The following TMEM68 variants were observed in gnomAD, a reference collection of about 807,000 sequenced individuals.
The protein encoded by TMEM68 is transmembrane protein 68.
TMEM68 carries 25 observed loss-of-function variants against 36.9 expected under a neutral mutation model. The ratio of observed to expected loss-of-function variants is 0.68; its 90% CI spans 0.49 to 0.95. TMEM68 has a LOEUF of 0.95. Ranked by LOEUF, TMEM68 falls within the 40% of genes least tolerant of loss-of-function variation. The pLI is 0.00. For synonymous variants in TMEM68, 131 were observed against 124.4 expected (o/e 1.05, Z -0.35); for missense variants, 333 against 392.0 (o/e 0.85, Z 1.27).
intron 5 of TMEM68, among the ~76,000 whole-genome samples, chr8:55,749,501 T>G (rs749106469): frequency 2.6e-5 from 4 of 152,188 alleles, no homozygotes; most frequent in Non-Finnish European, 5.9e-5. Context: ...AAGACTTCCC[T>G]CACGTATCTG....
intron 4 of TMEM68, among the ~76,000 whole-genome samples, chr8:55,754,705 CTT>C (rs1491265885): frequency 8.7e-6 from 1 of 114,922 alleles, no homozygotes; most frequent in Non-Finnish European, 1.7e-5. Context: ...GAAATACATA[CTT>C]ATATATATAT....
In TMEM68 at chr8:55,743,500, G is replaced by A. The variant is rs543241659; in HGVS notation, c.869C>T (p.Ala290Val). Residue 290 changes from alanine (A) to valine (V), a missense_variant, in exon 7 of 8, where the codon GCG becomes GTG. Ala to Val is a moderately conservative substitution (Grantham distance 64). Coordinates refer to ENST00000434581, the MANE Select transcript of TMEM68 (RefSeq NM_001286657.2). ...ATTTACCTTTTCAGCTAATTCTTCC[G>A]CTGTTATCTGTGGGTCATACGGAAT... The part of the protein sequence containing the change: ...DPIPYDPQIT[A>V]EELAEKTKNA... 4.0e-5 allele frequency: 61 copies of A among 1,532,194 alleles called. No homozygotes were observed. The African/African-American group carries it at 5.5e-4, about 14-fold the overall frequency. The allele number at this position is 1,532,194 out of a possible 1,614,324, so 94.9% of individuals were successfully genotyped here. A position where few individuals can be genotyped will look rare whatever the true frequency, so the allele number is the denominator to read the frequency against.
intron 4 of TMEM68, among the ~76,000 whole-genome samples, chr8:55,755,868 T>G (rs962008192): frequency 1.3e-5 from 2 of 151,904 alleles, no homozygotes; most frequent in African/African-American, 4.8e-5. Flanking sequence ...ACACAATATA[T>G]GCATATAAGA....
chr8:55,754,798 T>TATTAC (rs1186908090), intron 4 of TMEM68, among the ~76,000 whole-genome samples: 11 of 89,094 alleles, frequency 1.2e-4, no homozygotes, highest in Admixed American at 3.1e-4. Context: ...AAAATACATA[T>TATTAC]ATAATATATA....
intron 3 of TMEM68, among the ~76,000 whole-genome samples, chr8:55,759,742 T>G (rs1810725680): frequency 6.6e-6 from 1 of 152,196 alleles, no homozygotes; most frequent in African/African-American, 2.4e-5. Flanking sequence ...TTCATTTTTA[T>G]GTATTTAAAC....
intron 3 of TMEM68, chr8:55,762,234 ATTAT>A (rs1810816846): frequency 5.7e-6 from 1 of 176,468 alleles, no homozygotes; most frequent in African/African-American, 2.4e-5. Flanking sequence ...TTAATGTAAT[ATTAT>A]TTAATATTTC....
At chr8:55,769,582 T>C (rs930647166) in intron 1 of TMEM68, among the ~76,000 whole-genome samples, 5 of 152,122 alleles carry the variant, frequency 3.3e-5, no homozygotes, top group African/African-American at 9.7e-5. Context: ...TTCTGGCACA[T>C]AGTAGGCACC....
At chr8:55,745,200 C>T in intron 5 of TMEM68, 79 bp from the exon 6 acceptor site, 1 of 784,822 alleles carries the variant, frequency 1.3e-6, no homozygotes, top group Non-Finnish European at 1.8e-6. Flanking sequence ...CTAATGCAAA[C>T]TTTTTTTTTT....
chr8:55,764,416 A>G (rs1176432223), intron 1 of TMEM68, among the ~76,000 whole-genome samples: 2 of 152,202 alleles, frequency 1.3e-5, no homozygotes, highest in Admixed American at 6.5e-5. Context: ...CTTTGATTGT[A>G]TTCTTAGAAC....
chr8:55,755,270 C>CT lies in TMEM68; in HGVS notation c.493+973dup, dbSNP rs967473921. ...AATATTACATGAAGACAAAATATAT[C>CT]TTTTTTTTTTTTTTGAGACGGAGTC... On this transcript the variant is annotated intron_variant, in intron 4 of 7. Transcript: ENST00000434581. 3.6e-3 allele frequency among the ~76,000 whole-genome samples: 523 copies of CT among 143,586 alleles called. 2 individuals are homozygous for CT. Among genetic ancestry groups the CT allele is most frequent in the African/African-American group, 9.0e-3 (355 of 39,518 alleles). 94.2% of individuals were successfully genotyped at this position (143,586 alleles called of 152,430 possible).
rs780923330 is a variant in TMEM68, at chr8:55,762,803, G to C, written c.157C>G (p.Leu53Val). 6 of 1,613,990 alleles carry C rather than the reference G, an allele frequency of 3.7e-6. 1 individual carries two copies. In the South Asian group the frequency reaches 5.5e-5, roughly 15 times the overall value. Residue 53 changes from leucine (L) to valine (V), a missense_variant, in exon 3 of 8, where the codon CTT (leucine) becomes GTT (valine). By Grantham distance (32) the Leu-to-Val change is conservative (BLOSUM62 1). Coordinates refer to ENST00000434581, the MANE Select transcript of TMEM68 (RefSeq NM_001286657.2). The part of the protein sequence containing the change: ...YLLWVFTPLI[L>V]LILPYFTIFL... ...ATAGTAAAGTAAGGAAGTATTAAAA[G>C]TATTAGTGGTGTAAAAACCCACAAG...
chr8:55,754,644 ATATT>A (rs1205603511), intron 4 of TMEM68, among the ~76,000 whole-genome samples: 1 of 127,914 alleles, frequency 7.8e-6, no homozygotes, highest in Non-Finnish European at 1.6e-5. Context: ...TATATAATAT[ATATT>A]TATATTATAT....
intron 5 of TMEM68, chr8:55,746,800 A>G (rs773778825): frequency 2.6e-5 from 4 of 152,226 alleles, no homozygotes; most frequent in Non-Finnish European, 4.4e-5. Context: ...ATCATTTGTT[A>G]TATCTCTCCT....
At chr8:55,743,286 G>A (rs567760976) in intron 7 of TMEM68, among the ~76,000 whole-genome samples, 195 bp downstream of exon 7, 14 of 152,060 alleles carry the variant, frequency 9.2e-5, no homozygotes, top group South Asian at 4.2e-4. Context: ...CTCCCCTCAC[G>A]GCCCCAACTC....
rs997523868 is a variant in TMEM68, at chr8:55,739,248, C to T, written c.*884G>A. The stretch of plus-strand genomic sequence containing the variant: ...GCAAAAGTAGAGAACTCTTGCTTTC[C>T]TCAGCCTAGAATCAGCTTCTAACAC... On this transcript the variant is annotated 3_prime_UTR_variant, in exon 8 of 8. Coordinates refer to ENST00000434581, the MANE Select transcript of TMEM68 (RefSeq NM_001286657.2). 5.2e-5 allele frequency: 8 copies of T among 152,620 alleles called. No homozygotes were observed. Among genetic ancestry groups the T allele is most frequent in the Admixed American group, 2.0e-4 (3 of 15,270 alleles). The allele number at this position is 152,620 out of a possible 1,614,324, so 9.5% of individuals were successfully genotyped here.
chr8:55,759,971 T>G (rs1033624208), intron 3 of TMEM68, among the ~76,000 whole-genome samples: 1 of 152,224 alleles, frequency 6.6e-6, no homozygotes, highest in Non-Finnish European at 1.5e-5. Context: ...AGAAAGGGTT[T>G]CAGTAGTGGG....
At position 55,754,944 on chromosome 8, in the gene TMEM68, TACACACACACAC is replaced by T. The variant is rs71256561; in HGVS notation, c.493+1288_493+1299del. On this transcript the variant is annotated intron_variant, in intron 4 of 7. Transcript: ENST00000434581. ...ATTTATATATATTTATATATATTTATACACACACACACACACACACACACACACACACATAGC... is the reference window on the plus strand; with the variant it reads ...ATTTATATATATTTATATATATTTATACACACACACACACACACACATAGC... Among the ~76,000 whole-genome samples the T allele has an allele frequency of 1.0e-3, 140 of 134,846 alleles. 3 individuals are homozygous for T. The highest frequency in any genetic ancestry group is 1.6e-3 in the Non-Finnish European group (105 of 65,134). 88.5% of individuals were successfully genotyped at this position (134,846 alleles called of 152,430 possible).
chr8:55,748,582 G>GA (rs373293619), intron 5 of TMEM68, among the ~76,000 whole-genome samples: 29 of 151,070 alleles, frequency 1.9e-4, no homozygotes, highest in African/African-American at 6.8e-4. Context: ...AGGAAGGGGG[G>GA]GAGAGAGAGA....
chr8:55,740,467 C>A (rs1159096588), intron 7 of TMEM68, among the ~76,000 whole-genome samples: 1 of 150,932 alleles, frequency 6.6e-6, no homozygotes, highest in East Asian at 2.0e-4. Flanking sequence ...TGCCTGGCTG[C>A]AGCATATTTC....
Sources: allele counts gnomAD v4.1 joint callset (sites outside exome capture counted in the v4.1 genomes callset), GRCh38; gene constraint gnomAD v4.1.1; transcripts MANE v1.5; gene names NCBI Gene and HGNC (gene_info 2026-07-23, HGNC 2026-07-21).